The following DMGDH variants were observed in gnomAD, a reference collection of about 807,000 sequenced individuals.
The protein encoded by DMGDH is dimethylglycine dehydrogenase.
In DMGDH, 76 loss-of-function variants were observed where a neutral mutation model predicts 95.2. The observed-to-expected ratio is 0.80, with a 90% CI of 0.66 to 0.97. DMGDH has a LOEUF of 0.97. Ranked by LOEUF, DMGDH falls within the 50% of genes least tolerant of loss-of-function variation. The pLI is 0.00. For missense variants in DMGDH, 987 were observed against 1,055.0 expected, an observed-to-expected ratio of 0.94 and a Z score of 0.89; for synonymous variants, 345 against 377.6, an observed-to-expected ratio of 0.91 and a Z score of 1.00.
At chr5:79,000,384 G>A (rs1753433329) in intron 15 of DMGDH, 3 of 642,760 alleles carry the variant, frequency 4.7e-6, no homozygotes, top group South Asian at 2.7e-5. Context: ...CATAGATGCT[G>A]TGGGTGGTAC....
chr5:79,063,048 C>T lies in DMGDH; in HGVS notation c.276+565G>A, dbSNP rs1374160003. Among the ~76,000 whole-genome samples the T allele has an allele frequency of 7.9e-5, 12 of 151,748 alleles. No individual in the cohort carries two copies. In the East Asian group the frequency reaches 1.7e-3, roughly 22 times the overall value. ...CGGAAGTTGCAGTGAGCCGAGATCG[C>T]GCCATTGCACTCCAGCCTGGTAACA... On this transcript the variant is annotated intron_variant, in intron 2 of 15. Coordinates refer to ENST00000255189, the MANE Select transcript of DMGDH (RefSeq NM_013391.3).
In DMGDH at chr5:79,042,403, A is replaced by G; in HGVS notation, c.1073T>C (p.Val358Ala). 1 of 1,614,206 alleles carries G rather than the reference A, an allele frequency of 6.2e-7. No individual in the cohort carries two copies. The highest frequency in any genetic ancestry group is 2.2e-5 in the East Asian group (1 of 44,878). Reference sequence around the variant, plus strand: ...ATTGATGATGTCAGCCTTTTTCAAGACAGGAACCATTTCCATGGCAGCTTT... The same window carrying G: ...ATTGATGATGTCAGCCTTTTTCAAGGCAGGAACCATTTCCATGGCAGCTTT... ...HIKAAMEMVP[V>A]LKKADIINVV... The change falls in exon 7 of 16, where the codon GTC becomes GCC. Residue 358 changes from valine (V) to alanine (A), a missense_variant. Val to Ala is a moderately conservative substitution (Grantham distance 64). Coordinates refer to ENST00000255189, the MANE Select transcript of DMGDH (RefSeq NM_013391.3).
chr5:79,021,743 A>T (rs1753872479), intron 14 of DMGDH: 1 of 1,277,970 alleles, frequency 7.8e-7, no homozygotes, highest in Non-Finnish European at 1.0e-6. Flanking sequence ...TATTAATAAA[A>T]GGTAGTCCAT....
Position 78,998,148 on chromosome 5 carries a change from T to A in DMGDH, c.2535A>T (p.Glu845Asp). 1 of 1,614,198 alleles carries A rather than the reference T, an allele frequency of 6.2e-7. No homozygotes were observed. Among genetic ancestry groups the A allele is most frequent in the Non-Finnish European group, 8.5e-7 (1 of 1,180,042 alleles). The change falls in exon 16 of 16, where the codon GAA (glutamate) becomes GAT (aspartate). Residue 845 changes from glutamate (E) to aspartate (D), a missense_variant. Transcript: ENST00000255189. ...GKNYPAVIIQ[E>D]PLVLTEPTRN... ...TGGTTGGTTCGGTCAATACCAAAGG[T>A]TCTTGTATGATGACTGCTGGGTAAT...
chr5:79,021,916 C>G (rs989628355), intron 14 of DMGDH, among the ~76,000 whole-genome samples: 2 of 152,134 alleles, frequency 1.3e-5, no homozygotes, highest in African/African-American at 2.4e-5. Context: ...TGGCCTCCCC[C>G]AGGTCACTTT....
intron 14 of DMGDH, among the ~76,000 whole-genome samples, chr5:79,006,568 T>C (rs1269778442): frequency 6.6e-6 from 1 of 152,176 alleles, no homozygotes; most frequent in Non-Finnish European, 1.5e-5. Context: ...CTATGGTGAA[T>C]AAGATTTAAT....
chr5:79,049,757 A>G (rs1442635563), intron 5 of DMGDH, among the ~76,000 whole-genome samples: 4 of 152,286 alleles, frequency 2.6e-5, no homozygotes, highest in East Asian at 1.9e-4. Flanking sequence ...AAACAATGCA[A>G]CATTGTATTG....
intron 14 of DMGDH, among the ~76,000 whole-genome samples, chr5:79,022,450 T>A (rs930640485): frequency 1.3e-5 from 2 of 152,196 alleles, no homozygotes; most frequent in African/African-American, 2.4e-5. Context: ...AGCATCATTA[T>A]GAGTAGGTTA....
intron 5 of DMGDH, among the ~76,000 whole-genome samples, chr5:79,047,468 C>T (rs1754712529): frequency 6.6e-6 from 1 of 152,028 alleles, no homozygotes; most frequent in South Asian, 2.1e-4. Flanking sequence ...TCTGATTTGC[C>T]ATGTTAGGAA....
chr5:79,035,171 T>C (rs1218664469), intron 7 of DMGDH, among the ~76,000 whole-genome samples: 1 of 151,904 alleles, frequency 6.6e-6, no homozygotes, highest in Non-Finnish European at 1.5e-5. Context: ...AAACAACCTC[T>C]CTAAATTTTA....
chr5:79,059,745 T>C (rs1175066744), intron 2 of DMGDH, among the ~76,000 whole-genome samples: 1 of 152,244 alleles, frequency 6.6e-6, no homozygotes. Context: ...TCTCACCTAC[T>C]GAAAGCATCA....
At chr5:79,056,030 T>C (rs1755022008) in intron 2 of DMGDH, 122 bp from the exon 3 acceptor site, 4 of 709,648 alleles carry the variant, frequency 5.6e-6, no homozygotes, top group South Asian at 4.7e-5. Flanking sequence ...GCCAGTCCTT[T>C]GGGATGAGAA....
At chr5:79,014,091 T>C (rs1753688282) in intron 14 of DMGDH, among the ~76,000 whole-genome samples, 1 of 152,186 alleles carries the variant, frequency 6.6e-6, no homozygotes, top group African/African-American at 2.4e-5. Context: ...CCAGTTAAAA[T>C]TCCTTCTCAA....
At chr5:79,038,204 C>G (rs1754402833) in intron 7 of DMGDH, among the ~76,000 whole-genome samples, 1 of 152,106 alleles carries the variant, frequency 6.6e-6, no homozygotes, top group African/African-American at 2.4e-5. Flanking sequence ...AGAGTGTCAG[C>G]TGGGTGTGGT....
At chr5:79,049,266 G>A (rs1754767206) in intron 5 of DMGDH, among the ~76,000 whole-genome samples, 1 of 149,362 alleles carries the variant, frequency 6.7e-6, no homozygotes, top group African/African-American at 2.6e-5. Context: ...GTTACAGTAT[G>A]TAGTTTAGAA....
chr5:79,014,054 T>C (rs1431399579), intron 14 of DMGDH, among the ~76,000 whole-genome samples: 1 of 152,226 alleles, frequency 6.6e-6, no homozygotes, highest in Admixed American at 6.5e-5. Context: ...AGCACTCATA[T>C]AGCATTTTTC....
At chr5:79,001,117 C>T (rs1753445812) in intron 15 of DMGDH, 6 of 587,350 alleles carry the variant, frequency 1.0e-5, no homozygotes, top group African/African-American at 1.9e-5. Context: ...TCCCCCTCAG[C>T]CATGTAGCCC....
At position 79,005,467 on chromosome 5, in the gene DMGDH, G is replaced by A; in HGVS notation, c.2251-60C>T. 2.5e-6 allele frequency: 4 copies of A among 1,608,390 alleles called. No individual in the cohort carries two copies. The South Asian group carries it at 3.3e-5, about 13-fold the overall frequency. On this transcript the variant is annotated intron_variant, in intron 14 of 15. Transcript: ENST00000255189. ...GCTCAGACACTGTGACAAGGTTAGA[G>A]ATGCAAGCATTTAAATTTGTCTTTC...
At chr5:79,004,262 C>G (rs1753505413) in intron 15 of DMGDH, among the ~76,000 whole-genome samples, 1 of 152,178 alleles carries the variant, frequency 6.6e-6, no homozygotes, top group Non-Finnish European at 1.5e-5. Context: ...AGTAAGAACT[C>G]AGTAGATGTT....
Sources: gnomAD v4.1 joint callset for allele counts (sites outside exome capture counted in the v4.1 genomes callset) on GRCh38, gnomAD v4.1.1 for gene constraint, MANE v1.5 for transcripts, NCBI Gene and HGNC (gene_info 2026-07-23, HGNC 2026-07-21) for gene names.